The following SLC26A5 variants were observed in gnomAD, a reference collection of about 807,000 sequenced individuals.
SLC26A5 encodes solute carrier family 26 member 5.
In SLC26A5, 51 loss-of-function variants were observed where a neutral mutation model predicts 81.0. The observed-to-expected ratio is 0.63, with a 90% CI of 0.50 to 0.80. The LOEUF is 0.80. Ranked by LOEUF, SLC26A5 falls within the 30% of genes least tolerant of loss-of-function variation. SLC26A5 has a pLI of 0.00. For missense variants in SLC26A5, 771 were observed against 905.8 expected, an observed-to-expected ratio of 0.85 and a Z score of 1.91; for synonymous variants, 325 against 332.8, an observed-to-expected ratio of 0.98 and a Z score of 0.25.
chr7:103,433,959 C>T (rs554879975), intron 2 of SLC26A5, among the ~76,000 whole-genome samples: 22 of 152,238 alleles, frequency 1.4e-4, no homozygotes, highest in African/African-American at 5.3e-4. Context: ...TCTCAGCCTC[C>T]CAAAGTGCTG....
At position 103,410,551 on chromosome 7, in the gene SLC26A5, T is replaced by C; in HGVS notation, c.571-2A>G. The C allele has an allele frequency of 6.2e-7, 1 of 1,607,220 alleles. No individual in the cohort carries two copies. Among genetic ancestry groups the C allele is most frequent in the Middle Eastern group, 1.7e-4 (1 of 6,036 alleles). Reference sequence around the variant, plus strand: ...AAACCTACAGACACCTAGGCAAAACTATTTTTTTTTAATGACAAAGAAACA... The same window carrying C: ...AAACCTACAGACACCTAGGCAAAACCATTTTTTTTTAATGACAAAGAAACA... On this transcript the variant is annotated splice_acceptor_variant, in intron 6 of 19. Coordinates refer to ENST00000306312, the MANE Select transcript of SLC26A5 (RefSeq NM_198999.3). LOFTEE classifies it high-confidence loss of function.
intron 2 of SLC26A5, among the ~76,000 whole-genome samples, chr7:103,439,597 G>A (rs189602908): frequency 5.3e-5 from 8 of 152,080 alleles, no homozygotes; most frequent in Non-Finnish European, 1.0e-4. Context: ...GCAGTGGTGC[G>A]ATCACAGCTC....
At chr7:103,434,299 T>C (rs1826291955) in intron 2 of SLC26A5, among the ~76,000 whole-genome samples, 2 of 152,232 alleles carry the variant, frequency 1.3e-5, no homozygotes, top group African/African-American at 4.8e-5. Context: ...ATTGCTCTAT[T>C]AAAATCCAGT....
At chr7:103,445,982 C>G (rs2116903313) in intron 1 of SLC26A5, 116 bp downstream of exon 1, 1 of 152,552 alleles carries the variant, frequency 6.6e-6, no homozygotes, top group East Asian at 1.9e-4. Flanking sequence ...GCCTGGGAGA[C>G]AGGGGCAGAG....
In SLC26A5 at chr7:103,411,540, T is replaced by C. The variant is rs1224522210; in HGVS notation, c.450A>G (p.Arg150=). The change falls in exon 6 of 20, where the codon CGA becomes CGG. Residue 150 remains arginine (R), a synonymous_variant. Transcript: ENST00000306312. ...ISLMIGGVAV[R]LVPDDIVIPG... is the part of the protein sequence containing the mutation. The stretch of plus-strand genomic sequence containing the variant: ...GAATGACTATATCATCTGGTACTAA[T>C]CGAACAGCTACACCACCAATCATCA... The C allele has an allele frequency of 1.9e-6, 3 of 1,614,170 alleles. No individual in the cohort carries two copies. The highest frequency in any genetic ancestry group is 2.5e-6 in the Non-Finnish European group (3 of 1,180,032).
At chr7:103,381,377 TACAC>T (rs1821772717) in intron 14 of SLC26A5, among the ~76,000 whole-genome samples, 1 of 148,584 alleles carries the variant, frequency 6.7e-6, no homozygotes, top group South Asian at 2.1e-4. Flanking sequence ...ATCACATACA[TACAC>T]ACAATGCATA....
chr7:103,409,197 T>C lies in SLC26A5; in HGVS notation c.735+1188A>G, dbSNP rs531877771. On this transcript the variant is annotated intron_variant, in intron 7 of 19. Coordinates refer to ENST00000306312, the MANE Select transcript of SLC26A5 (RefSeq NM_198999.3). ...CTACACATGTATGCGATTAATGGTT[T>C]ACAATCTTCCCACTGTACTGAAAGC... Among the ~76,000 whole-genome samples, 14 of 152,370 alleles carry C rather than the reference T, an allele frequency of 9.2e-5. No individual in the cohort carries two copies. In the South Asian group the frequency reaches 2.9e-3, roughly 32 times the overall value.
chr7:103,408,537 T>C (rs1824241079), intron 7 of SLC26A5, among the ~76,000 whole-genome samples: 1 of 152,158 alleles, frequency 6.6e-6, no homozygotes, highest in Non-Finnish European at 1.5e-5. Flanking sequence ...TTATAGTTAT[T>C]CTTATCAAAC....
At chr7:103,429,894 T>C (rs1197529159) in intron 2 of SLC26A5, among the ~76,000 whole-genome samples, 1 of 152,162 alleles carries the variant, frequency 6.6e-6, no homozygotes, top group Non-Finnish European at 1.5e-5. Context: ...TCCCTCTTCT[T>C]TTATATTAGG....
chr7:103,418,213 G>T (rs193086753), intron 4 of SLC26A5, among the ~76,000 whole-genome samples: 4 of 152,286 alleles, frequency 2.6e-5, no homozygotes, highest in Admixed American at 2.6e-4. Flanking sequence ...TAATCCAACA[G>T]CCAGTTTTGC....
chr7:103,389,816 C>T (rs560816219), intron 12 of SLC26A5, among the ~76,000 whole-genome samples: 7 of 152,088 alleles, frequency 4.6e-5, no homozygotes, highest in East Asian at 3.9e-4. Context: ...CTAGTAGAGA[C>T]GGGATTTCAC....
chr7:103,392,487 G>A (rs1343642345), intron 10 of SLC26A5, among the ~76,000 whole-genome samples: 1 of 152,242 alleles, frequency 6.6e-6, no homozygotes, highest in Non-Finnish European at 1.5e-5. Flanking sequence ...GACTGAATAA[G>A]TACATGCTTC....
exon 20 of SLC26A5, chr7:103,352,734 A>C (rs1586135729): frequency 1.4e-6 from 1 of 727,892 alleles, no homozygotes; most frequent in Non-Finnish European, 2.5e-6. Context: ...ATCCTGGTAG[A>C]TTCATTTTTT....
At chr7:103,358,037 C>G (rs148547404) in intron 19 of SLC26A5, among the ~76,000 whole-genome samples, 64 of 152,324 alleles carry the variant, frequency 4.2e-4, no homozygotes, top group African/African-American at 1.5e-3. Flanking sequence ...CCCTTTACCT[C>G]TCTCCTGTTG....
intron 19 of SLC26A5, chr7:103,363,202 G>C: frequency 1.6e-6 from 1 of 623,408 alleles, no homozygotes; most frequent in Non-Finnish European, 2.8e-6. Context: ...AGTAGTTCCA[G>C]GGCACTGGGC....
intron 2 of SLC26A5, among the ~76,000 whole-genome samples, chr7:103,422,724 G>C (rs1256321576): frequency 2.0e-5 from 3 of 152,152 alleles, no homozygotes; most frequent in Non-Finnish European, 4.4e-5. Flanking sequence ...ACTGGTGCTT[G>C]TTACATGATT....
At chr7:103,368,634 T>G (rs1158424521) in intron 19 of SLC26A5, 1 of 152,164 alleles carries the variant, frequency 6.6e-6, no homozygotes, top group Non-Finnish European at 1.5e-5. Flanking sequence ...ATGTATATGT[T>G]TTGCATTGCC....
intron 8 of SLC26A5, among the ~76,000 whole-genome samples, chr7:103,403,844 G>C (rs1329284487): frequency 6.6e-6 from 1 of 152,084 alleles, no homozygotes; most frequent in Non-Finnish European, 1.5e-5. Context: ...GCCAATCTGT[G>C]TCTTTCAGTT....
chr7:103,408,686 T>C (rs562430171), intron 7 of SLC26A5, among the ~76,000 whole-genome samples: 6 of 152,308 alleles, frequency 3.9e-5, no homozygotes, highest in Non-Finnish European at 8.8e-5. Flanking sequence ...ATTGAAAAGC[T>C]TTTAGGAGCT....
Sources: allele counts gnomAD v4.1 joint callset (sites outside exome capture counted in the v4.1 genomes callset), GRCh38; gene constraint gnomAD v4.1.1; transcripts MANE v1.5; gene names NCBI Gene and HGNC (gene_info 2026-07-23, HGNC 2026-07-21).